The following VGLL3 variants were observed in gnomAD, a reference collection of about 807,000 sequenced individuals.
The protein encoded by VGLL3 is transcription cofactor vestigial-like protein 3.
VGLL3 carries 18 observed loss-of-function variants against 29.2 expected under a neutral mutation model. That is an observed-to-expected ratio of 0.62 (90% CI 0.43 to 0.91). The LOEUF (loss-of-function observed/expected upper bound fraction) is 0.91, where lower values mean the gene tolerates loss of function less well. Ranked by LOEUF, VGLL3 falls within the 40% of genes least tolerant of loss-of-function variation. VGLL3 has a pLI of 0.00. For synonymous variants in VGLL3, 180 were observed against 151.8 expected (o/e 1.19, Z -1.36); for missense variants, 440 against 413.2 (o/e 1.06, Z -0.56).
intron 3 of VGLL3, among the ~76,000 whole-genome samples, chr3:86,960,857 T>C (rs1284343609): frequency 6.6e-6 from 1 of 151,246 alleles, no homozygotes; most frequent in African/African-American, 2.4e-5. Flanking sequence ...AAAAGGTACA[T>C]CAACATATGT....
chr3:86,952,263 T>A (rs1342396756), intron 3 of VGLL3, among the ~76,000 whole-genome samples: 3 of 152,114 alleles, frequency 2.0e-5, no homozygotes. Flanking sequence ...CTTCTACCAT[T>A]AGATAGAAAT....
chr3:86,969,527 A>G (rs1471787260), intron 2 of VGLL3, among the ~76,000 whole-genome samples: 1 of 152,232 alleles, frequency 6.6e-6, no homozygotes, highest in African/African-American at 2.4e-5. Flanking sequence ...TAAGTTGGAC[A>G]TGATCATTTT....
At chr3:86,958,242 G>A (rs1353421609) in intron 3 of VGLL3, among the ~76,000 whole-genome samples, 5 of 152,032 alleles carry the variant, frequency 3.3e-5, no homozygotes, top group African/African-American at 1.2e-4. Context: ...CTATTTATGG[G>A]AGGTAGACTC....
chr3:86,974,211 G>A (rs1393827430), intron 2 of VGLL3, among the ~76,000 whole-genome samples: 6 of 151,526 alleles, frequency 4.0e-5, no homozygotes, highest in African/African-American at 1.2e-4. Context: ...TCCACCTCCC[G>A]GGTTCAAGCG....
At position 86,978,715 on chromosome 3, in the gene VGLL3, C is replaced by T. The variant is rs201470051; in HGVS notation, c.214G>A (p.Glu72Lys). Residue 72 changes from glutamate (E) to lysine (K), a missense_variant, in exon 2 of 4, where the codon GAG (glutamate) becomes AAG (lysine). Transcript: ENST00000398399. ...KQEEEDEEEE[E>K]EEKDQPAEME... ...TCGGCAGGCTGGTCTTTCTCCTCCT[C>T]CTCCTCCTCCTCATCCTCCTCCTCT... The T allele has an allele frequency of 3.7e-6, 6 of 1,613,994 alleles. No individual in the cohort carries two copies. The African/African-American group carries it at 8.0e-5, about 22-fold the overall frequency.
chr3:86,951,388 C>A (rs549877920), intron 3 of VGLL3, among the ~76,000 whole-genome samples: 1 of 152,250 alleles, frequency 6.6e-6, no homozygotes, highest in South Asian at 2.1e-4. Flanking sequence ...AGATCTCTCT[C>A]AGATCTCTTT....
chr3:86,984,647 T>A (rs1461966981), intron 1 of VGLL3, among the ~76,000 whole-genome samples: 1 of 152,222 alleles, frequency 6.6e-6, no homozygotes, highest in Non-Finnish European at 1.5e-5. Flanking sequence ...ACTTAGGGTA[T>A]AATTTCATTT....
At chr3:86,966,479 C>A (rs570150112) in intron 3 of VGLL3, among the ~76,000 whole-genome samples, 1 of 151,870 alleles carries the variant, frequency 6.6e-6, no homozygotes, top group African/African-American at 2.4e-5. Context: ...CTGTCCTAAA[C>A]CCATGCTGAC....
intron 1 of VGLL3, among the ~76,000 whole-genome samples, chr3:86,987,616 T>C (rs1000724484): frequency 3.3e-5 from 5 of 152,132 alleles, no homozygotes; most frequent in African/African-American, 7.2e-5. Context: ...ATGGTGGGCA[T>C]GCGAAACAGG....
At position 86,978,712 on chromosome 3, in the gene VGLL3, C is replaced by T. The variant is rs1705263066; in HGVS notation, c.217G>A (p.Glu73Lys). ...ATCTCGGCAGGCTGGTCTTTCTCCTCCTCCTCCTCCTCCTCATCCTCCTCC... is the reference window on the plus strand; with the variant it reads ...ATCTCGGCAGGCTGGTCTTTCTCCTTCTCCTCCTCCTCCTCATCCTCCTCC... ...QEEEDEEEEE[E>K]EKDQPAEMEY... The change falls in exon 2 of 4, where the codon GAG becomes AAG. Residue 73 changes from glutamate to lysine, a missense_variant. By Grantham distance (56) the Glu-to-Lys change is moderately conservative (BLOSUM62 1). Coordinates refer to ENST00000398399, the MANE Select transcript of VGLL3 (RefSeq NM_016206.4). The T allele has an allele frequency of 6.2e-7, 1 of 1,613,490 alleles. No homozygotes were observed. Among genetic ancestry groups the T allele is most frequent in the South Asian group, 1.1e-5 (1 of 91,050 alleles).
At position 86,968,827 on chromosome 3, in the gene VGLL3, C is replaced by T; in HGVS notation, c.700G>A (p.Ala234Thr). 9.3e-6 allele frequency: 15 copies of T among 1,613,898 alleles called. No individual in the cohort carries two copies. The highest frequency in any genetic ancestry group is 1.3e-5 in the Non-Finnish European group (15 of 1,179,978). Reference protein sequence around the residue: ...DVYMRHHHPHAHMHHRHRHHH... With the variant: ...DVYMRHHHPHTHMHHRHRHHH... ...TGGCGGTGGCGGTGGTGCATGTGGG[C>T]ATGAGGGTGGTGGTGCCGCATGTAC... is the stretch of plus-strand genomic sequence containing the variant. Residue 234 changes from alanine (A) to threonine (T), a missense_variant, in exon 3 of 4, where the codon GCC becomes ACC. Transcript: ENST00000398399.
At position 86,941,528 on chromosome 3, in the gene VGLL3, G is replaced by A. The variant is rs1406827430; in HGVS notation, c.*5496C>T. ...TCTGTTTGCTTATACAATGGAATTG[G>A]TAAAAGTACACTTATTTATAATAGA... On this transcript the variant is annotated 3_prime_UTR_variant, in exon 4 of 4. Transcript: ENST00000398399. 6.6e-6 allele frequency: 1 copy of A among 151,554 alleles called. No homozygotes were observed. Among genetic ancestry groups the A allele is most frequent in the Non-Finnish European group, 1.5e-5 (1 of 67,866 alleles). The allele number at this position is 151,554 out of a possible 1,614,324, so 9.4% of individuals were successfully genotyped here.
chr3:86,948,667 C>A (rs1704553418), intron 3 of VGLL3, among the ~76,000 whole-genome samples: 1 of 152,132 alleles, frequency 6.6e-6, no homozygotes. Flanking sequence ...GTACTGGGAA[C>A]AAACAACACT....
In VGLL3 at chr3:86,969,963, C is replaced by T. The variant is rs146828082; in HGVS notation, c.404-840G>A. Reference sequence around the variant, plus strand: ...CTTTGAAGCCAGGTGGCCTAAATGGCCAATGGCTGGGCCTCTTCATAAAGT... The same window carrying T: ...CTTTGAAGCCAGGTGGCCTAAATGGTCAATGGCTGGGCCTCTTCATAAAGT... On this transcript the variant is annotated intron_variant, in intron 2 of 3. Transcript: ENST00000398399. 4.6e-3 allele frequency among the ~76,000 whole-genome samples: 707 copies of T among 152,116 alleles called. 33 individuals are homozygous for T. Among genetic ancestry groups the T allele is most frequent in the Admixed American group, 0.042 (636 of 15,264 alleles).
intron 1 of VGLL3, among the ~76,000 whole-genome samples, chr3:86,985,294 T>C (rs6788077): frequency 0.087 from 13,298 of 152,182 alleles, 1,575 homozygotes; most frequent in African/African-American, 0.26. Flanking sequence ...TCCTAGGAAT[T>C]AGTTATGGCA....
At position 86,945,363 on chromosome 3, in the gene VGLL3, G is replaced by A. The variant is rs1234375436; in HGVS notation, c.*1661C>T. On this transcript the variant is annotated 3_prime_UTR_variant, in exon 4 of 4. Transcript: ENST00000398399. ...TCTAAAAAGTTCGCATATATGATAC[G>A]AACAATTAAAGATAGAAAGTGGCAT... 7 of 152,064 alleles carry A rather than the reference G, an allele frequency of 4.6e-5. No homozygotes were observed. Among genetic ancestry groups the A allele is most frequent in the Non-Finnish European group, 1.0e-4 (7 of 67,998 alleles). 9.4% of individuals were successfully genotyped at this position (152,064 alleles called of 1,614,324 possible). A position where few individuals can be genotyped will look rare whatever the true frequency, so the allele number is the denominator to read the frequency against.
rs148635484 is a variant in VGLL3, at chr3:86,957,115, C to T, written c.938-10048G>A. ...TTATTTTTAGTACCCTCTCATTCCA[C>T]GTGGCAGGGTATTCTAGATAGGGAA... On this transcript the variant is annotated intron_variant, in intron 3 of 3. Coordinates refer to ENST00000398399, the MANE Select transcript of VGLL3 (RefSeq NM_016206.4). Among the ~76,000 whole-genome samples, 365 of 152,224 alleles carry T rather than the reference C, an allele frequency of 2.4e-3. 7 individuals are homozygous for T. In the East Asian group the frequency reaches 0.037, roughly 15 times the overall value.
intron 2 of VGLL3, among the ~76,000 whole-genome samples, chr3:86,974,776 C>T (rs867136156): frequency 1.3e-5 from 2 of 152,160 alleles, no homozygotes; most frequent in South Asian, 4.1e-4. Context: ...CTTTAATACT[C>T]GGTCAGCAGT....
At position 86,943,949 on chromosome 3, in the gene VGLL3, A is replaced by C. The variant is rs1431221981; in HGVS notation, c.*3075T>G. The C allele has an allele frequency of 6.6e-6, 1 of 152,164 alleles. No homozygotes were observed. The highest frequency in any genetic ancestry group is 1.5e-5 in the Non-Finnish European group (1 of 68,022). 9.4% of individuals were successfully genotyped at this position (152,164 alleles called of 1,614,324 possible). Reference sequence around the variant, plus strand: ...AAAAGTCACCTTTGTCTAAAGGTGGAGTGGTTTTAATAAAATTGTGGAGGC... The same window carrying C: ...AAAAGTCACCTTTGTCTAAAGGTGGCGTGGTTTTAATAAAATTGTGGAGGC... On this transcript the variant is annotated 3_prime_UTR_variant, in exon 4 of 4. Coordinates refer to ENST00000398399, the MANE Select transcript of VGLL3 (RefSeq NM_016206.4).
Sources: gnomAD v4.1 joint callset for allele counts (sites outside exome capture counted in the v4.1 genomes callset) on GRCh38, gnomAD v4.1.1 for gene constraint, MANE v1.5 for transcripts, NCBI Gene and HGNC (gene_info 2026-07-23, HGNC 2026-07-21) for gene names.